The following THNSL1 variants were observed in gnomAD, a reference collection of about 807,000 sequenced individuals.
The protein encoded by THNSL1 is threonine synthase like 1, also known as threonine synthase-like 1.
A neutral mutation model predicts 50.4 loss-of-function variants in THNSL1; 48 were observed. The ratio of observed to expected loss-of-function variants is 0.95; its 90% CI spans 0.76 to 1.21. THNSL1 has a LOEUF of 1.21. THNSL1 is among the 50% of genes most tolerant of loss of function. The pLI, the probability that THNSL1 is intolerant of heterozygous loss-of-function variation, is 0.00. For missense variants in THNSL1, 896 were observed against 871.7 expected, an observed-to-expected ratio of 1.03 and a Z score of -0.35; for synonymous variants, 309 against 306.1, an observed-to-expected ratio of 1.01 and a Z score of -0.10.
the THNSL1 span, chr10:24,984,418 C>G: frequency 6.4e-7 from 1 of 1,561,028 alleles, no homozygotes; most frequent in South Asian, 1.2e-5. Flanking sequence ...TGAGTGCTGA[C>G]TTTATTTTTC....
chr10:24,967,999 G>A, the THNSL1 span, among the ~76,000 whole-genome samples: 1 of 94,622 alleles, frequency 1.1e-5, no homozygotes, highest in African/African-American at 4.4e-5. Context: ...TGTATGATGT[G>A]TGTGTGTGTG....
At chr10:24,964,117 C>G in the THNSL1 span, among the ~76,000 whole-genome samples, 11 of 152,176 alleles carry the variant, frequency 7.2e-5, no homozygotes, top group Non-Finnish European at 1.5e-4. Context: ...TCCTTAGAAC[C>G]CAGTAGCACC....
chr10:24,963,469 C>A, the THNSL1 span, among the ~76,000 whole-genome samples: 1 of 152,174 alleles, frequency 6.6e-6, no homozygotes, highest in South Asian at 2.1e-4. Context: ...TTAAAAGTAG[C>A]AGACTTTTTA....
At position 25,016,955 on chromosome 10, in the gene THNSL1, C is replaced by T. The variant is rs1293466676; in HGVS notation, c.-216+263C>T. On this transcript the variant is annotated intron_variant, in intron 1 of 2. Transcript: ENST00000376356. The stretch of plus-strand genomic sequence containing the variant: ...CGAGGCTCCTCGGAACGCCGCGCAG[C>T]CCTGCCCGCCACGTGTGTGAGTGCG... Among the ~76,000 whole-genome samples the T allele has an allele frequency of 2.0e-5, 3 of 152,318 alleles. No individual in the cohort carries two copies. The South Asian group carries it at 6.2e-4, about 32-fold the overall frequency.
At chr10:24,987,534 A>T in the THNSL1 span, among the ~76,000 whole-genome samples, 1 of 152,214 alleles carries the variant, frequency 6.6e-6, no homozygotes, top group African/African-American at 2.4e-5. Flanking sequence ...GCTAGCAGTG[A>T]GCCGTGATTG....
chr10:24,972,224 T>G, the THNSL1 span, among the ~76,000 whole-genome samples: 1 of 147,950 alleles, frequency 6.8e-6, no homozygotes, highest in East Asian at 2.0e-4. Context: ...AAGATTACAC[T>G]AGGCCGGGAG....
chr10:25,009,799 C>T, the THNSL1 span, among the ~76,000 whole-genome samples: 40 of 152,102 alleles, frequency 2.6e-4, no homozygotes, highest in Admixed American at 2.0e-3. Flanking sequence ...GAGGCGTTCC[C>T]CTGCACACAC....
At chr10:24,967,487 A>C in the THNSL1 span, among the ~76,000 whole-genome samples, 1 of 152,212 alleles carries the variant, frequency 6.6e-6, no homozygotes, top group African/African-American at 2.4e-5. Context: ...TCTTTCTTTC[A>C]GTGAAGCTTT....
chr10:25,010,707 T>C, the THNSL1 span, among the ~76,000 whole-genome samples: 1 of 140,254 alleles, frequency 7.1e-6, no homozygotes, highest in East Asian at 2.6e-4. Context: ...TGGTTTTTTG[T>C]CCTTGTGATA....
At chr10:24,999,281 G>T in the THNSL1 span, 1 of 974,284 alleles carries the variant, frequency 1.0e-6, no homozygotes, top group Non-Finnish European at 1.5e-6. Context: ...GTCAAATTCT[G>T]TTTAATATGA....
the THNSL1 span, chr10:24,999,408 T>TA: frequency 6.2e-7 from 1 of 1,606,862 alleles, no homozygotes; most frequent in African/African-American, 1.3e-5. Flanking sequence ...TACTGGGTGG[T>TA]AGAGTTTTTT....
In THNSL1 at chr10:25,024,041, C is replaced by T; in HGVS notation, c.818C>T (p.Pro273Leu). 5 of 1,614,118 alleles carry T rather than the reference C, an allele frequency of 3.1e-6. No homozygotes were observed. The highest frequency in any genetic ancestry group is 4.2e-6 in the Non-Finnish European group (5 of 1,180,008). The change falls in exon 3 of 3, where the codon CCA becomes CTA. Residue 273 changes from proline (P) to leucine (L), a missense_variant. Transcript: ENST00000376356. ...CTCTTTGTTCCTGCAAAGGAGTTTCCAAAATTAAGCTGCGGGGAGTGGAAA... is the reference window on the plus strand; with the variant it reads ...CTCTTTGTTCCTGCAAAGGAGTTTCTAAAATTAAGCTGCGGGGAGTGGAAA... ...GGLFVPAKEF[P>L]KLSCGEWKSL...
rs1213504900 is a variant in THNSL1 at position 25,024,547 on chromosome 10, A to G, written c.1324A>G (p.Thr442Ala). Residue 442 changes from threonine (T) to alanine (A), a missense_variant, in exon 3 of 3, where the codon ACA (threonine) becomes GCA (alanine). Transcript: ENST00000376356. ...GVESDFDFCQ[T>A]AIKRIFNDSD... is the part of the protein sequence containing the mutation. ...TGAGTCAGATTTTGATTTTTGCCAG[A>G]CAGCTATAAAAAGAATTTTTAATGA... 1 of 1,614,190 alleles carries G rather than the reference A, an allele frequency of 6.2e-7. No individual in the cohort carries two copies. Among genetic ancestry groups the G allele is most frequent in the East Asian group, 2.2e-5 (1 of 44,886 alleles).
chr10:25,025,451 T>C lies in THNSL1; in HGVS notation c.2228T>C (p.Ile743Thr), dbSNP rs141107473. 10 of 1,594,126 alleles carry C rather than the reference T, an allele frequency of 6.3e-6. No individual in the cohort carries two copies. The African/African-American group carries it at 1.4e-4, about 22-fold the overall frequency. The change falls in exon 3 of 3, where the codon ATA (isoleucine) becomes ACA (threonine). Residue 743 changes from isoleucine to threonine, a missense_variant. Transcript: ENST00000376356. ...HVEQLVQNQF[I>T] ...GAACAACTTGTCCAAAATCAATTCATATGAAAGCTTTCAGAGTAAATTTTT... is the reference window on the plus strand; with the variant it reads ...GAACAACTTGTCCAAAATCAATTCACATGAAAGCTTTCAGAGTAAATTTTT...
At chr10:25,014,136 C>T (rs985378972), upstream of THNSL1, among the ~76,000 whole-genome samples, 1 of 152,102 alleles carries the variant, frequency 6.6e-6, no homozygotes, top group Non-Finnish European at 1.5e-5. Flanking sequence ...TGGTCACATA[C>T]ATTCATCTTC....
the THNSL1 span, among the ~76,000 whole-genome samples, chr10:24,980,028 C>T: frequency 6.6e-6 from 1 of 152,232 alleles, no homozygotes; most frequent in Admixed American, 6.5e-5. Flanking sequence ...GTCTGCACTG[C>T]TACAACCTTG....
At chr10:24,975,726 A>T in the THNSL1 span, among the ~76,000 whole-genome samples, 2 of 152,152 alleles carry the variant, frequency 1.3e-5, no homozygotes, top group Non-Finnish European at 2.9e-5. Context: ...CTCCCCAGCC[A>T]TGTGGAACTG....
the THNSL1 span, chr10:24,990,604 A>G: frequency 6.3e-7 from 1 of 1,595,592 alleles, no homozygotes; most frequent in Non-Finnish European, 8.5e-7. Flanking sequence ...GTGTGACACC[A>G]TAATCCTAAA....
chr10:24,966,820 C>T, the THNSL1 span, among the ~76,000 whole-genome samples: 1 of 152,128 alleles, frequency 6.6e-6, no homozygotes, highest in East Asian at 1.9e-4. Flanking sequence ...GGATGATAAT[C>T]ATATCTACAT....
Sources: allele counts gnomAD v4.1 joint callset (sites outside exome capture counted in the v4.1 genomes callset), GRCh38; gene constraint gnomAD v4.1.1; transcripts MANE v1.5; gene names NCBI Gene and HGNC (gene_info 2026-07-23, HGNC 2026-07-21).